The following TRIO variants were observed in gnomAD, a reference collection of about 807,000 sequenced individuals.
TRIO encodes triple functional domain protein.
TRIO carries 58 observed loss-of-function variants against 351.9 expected under a neutral mutation model. That is an observed-to-expected ratio of 0.16 (90% confidence interval 0.13 to 0.21). The LOEUF (loss-of-function observed/expected upper bound fraction) is 0.21, where lower values mean the gene tolerates loss of function less well. Ranked by LOEUF, TRIO falls within the 10% of genes least tolerant of loss-of-function variation. The pLI is 1.00. For missense variants in TRIO, 3,201 were observed against 4,027.8 expected, an observed-to-expected ratio of 0.79 and a Z score of 5.56; for synonymous variants, 1,758 against 1,595.7, an observed-to-expected ratio of 1.10 and a Z score of -2.42.
chr5:14,498,508 C>G lies in TRIO; in HGVS notation c.8211-11C>G. 5 of 1,612,860 alleles carry G rather than the reference C, an allele frequency of 3.1e-6. No individual in the cohort carries two copies. Among genetic ancestry groups the G allele is most frequent in the Non-Finnish European group, 4.2e-6 (5 of 1,178,954 alleles). On this transcript the variant is annotated splice_polypyrimidine_tract_variant and intron_variant, in intron 52 of 56. Transcript: ENST00000344204. ...TTTCTGATGCGCAGTGTGTTCCCAT[C>G]TGTGCCGCAGTGACCTGGGAGAGGC...
At chr5:14,373,027 C>T (rs771533740) in intron 18 of TRIO, among the ~76,000 whole-genome samples, 2 of 152,102 alleles carry the variant, frequency 1.3e-5, no homozygotes, top group African/African-American at 2.4e-5. Context: ...TCACATGGCG[C>T]GGGAAGTAGA....
At chr5:14,372,054 T>G (rs1745157504) in intron 18 of TRIO, among the ~76,000 whole-genome samples, 1 of 152,156 alleles carries the variant, frequency 6.6e-6, no homozygotes, top group Non-Finnish European at 1.5e-5. Context: ...CTCCCTCCTT[T>G]CATTACTATT....
chr5:14,338,025 A>C (rs545348277), intron 11 of TRIO, among the ~76,000 whole-genome samples: 1 of 152,282 alleles, frequency 6.6e-6, no homozygotes. Flanking sequence ...TTAACAAAAG[A>C]GGCTATTTTT....
chr5:14,235,027 T>G (rs2152226987), intron 1 of TRIO, among the ~76,000 whole-genome samples: 1 of 152,338 alleles, frequency 6.6e-6, no homozygotes, highest in East Asian at 1.9e-4. Context: ...TTGGAAATTT[T>G]GATCTAAATA....
intron 1 of TRIO, among the ~76,000 whole-genome samples, chr5:14,219,946 T>C (rs1792487985): frequency 6.6e-6 from 1 of 151,136 alleles, no homozygotes; most frequent in African/African-American, 2.4e-5. Context: ...AAAGTCAGTA[T>C]ATATAACACA....
At chr5:14,406,022 G>T (rs1478503485) in intron 32 of TRIO, 32 bp downstream of exon 32, 1 of 1,603,340 alleles carries the variant, frequency 6.2e-7, no homozygotes, top group Non-Finnish European at 8.5e-7. Context: ...GAGGTTTGTG[G>T]ATGTGGGAGG....
intron 34 of TRIO, among the ~76,000 whole-genome samples, chr5:14,444,957 G>T (rs1296157217): frequency 6.6e-6 from 1 of 152,176 alleles, no homozygotes; most frequent in African/African-American, 2.4e-5. Flanking sequence ...CCTAGTTTTG[G>T]AATTCTTTTC....
chr5:14,243,741 G>A (rs1244753197), intron 1 of TRIO, among the ~76,000 whole-genome samples: 1 of 152,120 alleles, frequency 6.6e-6, no homozygotes, highest in South Asian at 2.1e-4. Flanking sequence ...TTCTGTGTTA[G>A]CATTTTTTCT....
At chr5:14,265,099 T>G in intron 1 of TRIO, among the ~76,000 whole-genome samples, 1 of 149,212 alleles carries the variant, frequency 6.7e-6, no homozygotes, top group African/African-American at 2.4e-5. Context: ...TTTTTTTTTT[T>G]CCCAATCTCT....
At chr5:14,236,981 G>A (rs557037038) in intron 1 of TRIO, among the ~76,000 whole-genome samples, 1 of 152,308 alleles carries the variant, frequency 6.6e-6, no homozygotes, top group Non-Finnish European at 1.5e-5. Flanking sequence ...GTTACACTCT[G>A]TGATAACCTG....
Position 14,358,129 on chromosome 5 carries a change from G to T in TRIO, c.2047-49G>T, listed in dbSNP as rs763819982. Reference sequence around the variant, plus strand: ...CCCTTGGACACCGGGCGGCCCACCTGGTGGTGCAGCCAGGCCGGCCGGCCT... The same window carrying T: ...CCCTTGGACACCGGGCGGCCCACCTTGTGGTGCAGCCAGGCCGGCCGGCCT... On this transcript the variant is annotated intron_variant, in intron 11 of 56. Coordinates refer to ENST00000344204, the MANE Select transcript of TRIO (RefSeq NM_007118.4). The T allele has an allele frequency of 8.9e-6, 14 of 1,576,562 alleles. No individual in the cohort carries two copies. In the South Asian group the frequency reaches 1.5e-4, roughly 17 times the overall value.
At chr5:14,481,705 C>G in intron 45 of TRIO, 87 bp downstream of exon 45, 3 of 1,360,818 alleles carry the variant, frequency 2.2e-6, no homozygotes, top group Non-Finnish European at 3.1e-6. Context: ...ATAGAGAAAG[C>G]TGATCCTTTT....
chr5:14,149,303 A>G (rs1368423736), intron 1 of TRIO, among the ~76,000 whole-genome samples: 1 of 152,170 alleles, frequency 6.6e-6, no homozygotes, highest in African/African-American at 2.4e-5. Flanking sequence ...TTTTGATGTT[A>G]CTGAGCCTTC....
chr5:14,414,656 G>A (rs534785843), intron 33 of TRIO, among the ~76,000 whole-genome samples: 37 of 151,456 alleles, frequency 2.4e-4, no homozygotes, highest in Admixed American at 1.5e-3. Context: ...AAAGTTTACC[G>A]TCTTCACCAT....
intron 1 of TRIO, among the ~76,000 whole-genome samples, chr5:14,174,441 C>T (rs1789287476): frequency 6.6e-6 from 1 of 152,170 alleles, no homozygotes; most frequent in Non-Finnish European, 1.5e-5. Flanking sequence ...CGGCTTTATG[C>T]CCGCCTGCCT....
At chr5:14,244,657 T>C (rs1388849578) in intron 1 of TRIO, among the ~76,000 whole-genome samples, 3 of 152,146 alleles carry the variant, frequency 2.0e-5, no homozygotes, top group East Asian at 1.9e-4. Context: ...TAAAATAAAT[T>C]TGAAATTCTG....
Position 14,374,312 on chromosome 5 carries a change from G to A in TRIO, c.3300G>A (p.Thr1100=), listed in dbSNP as rs1365720508. 28 of 1,613,086 alleles carry A rather than the reference G, an allele frequency of 1.7e-5. No homozygotes were observed. The East Asian group carries it at 4.2e-4, about 24-fold the overall frequency. The change falls in exon 19 of 57, where the codon ACG becomes ACA. Residue 1100 remains threonine, a synonymous_variant. Transcript: ENST00000344204. ...GCGTGAACATGCCAGGAATGGTGAC[G>A]CACATCAAAGCTCCTGAACAGCAAG... ...RNSVNMPGMV[T]HIKAPEQQVK...
chr5:14,275,585 T>TA (rs397822942), intron 2 of TRIO, among the ~76,000 whole-genome samples: 1 of 151,838 alleles, frequency 6.6e-6, no homozygotes, highest in South Asian at 2.1e-4. Flanking sequence ...CTTTTTTTTT[T>TA]AAGTTTTTGG....
Position 14,389,285 on chromosome 5 carries a change from C to T in TRIO, c.3949-4C>T. The T allele has an allele frequency of 6.2e-7, 1 of 1,602,034 alleles. No homozygotes were observed. The highest frequency in any genetic ancestry group is 8.5e-7 in the Non-Finnish European group (1 of 1,175,698). The stretch of plus-strand genomic sequence containing the variant: ...TGTCTAATCCCTGTTTCCCTCTCGG[C>T]TAGACGTACCTGTGGGAAATGACCA... On this transcript the variant is annotated splice_region_variant and splice_polypyrimidine_tract_variant and intron_variant, in intron 24 of 56. Transcript: ENST00000344204.
Sources: gnomAD v4.1 joint callset for allele counts (sites outside exome capture counted in the v4.1 genomes callset) on GRCh38, gnomAD v4.1.1 for gene constraint, MANE v1.5 for transcripts, NCBI Gene and HGNC (gene_info 2026-07-23, HGNC 2026-07-21) for gene names.